STK24: variants seen among roughly 807,000 people sequenced by gnomAD.
The protein encoded by STK24 is serine/threonine-protein kinase 24.
In STK24, 21 loss-of-function variants were observed where a neutral mutation model predicts 55.6. That is an observed-to-expected ratio of 0.38 (90% confidence interval 0.27 to 0.54). STK24 has a LOEUF of 0.54. Among genes scored for constraint, STK24 ranks in the 20% least tolerant of loss-of-function variants. The pLI, the probability that STK24 is intolerant of heterozygous loss-of-function variation, is 0.79. For synonymous variants in STK24, 200 were observed against 215.2 expected, an observed-to-expected ratio of 0.93 and a Z score of 0.62; for missense variants, 383 against 538.4, an observed-to-expected ratio of 0.71 and a Z score of 2.86.
rs2281767 is a variant in STK24, at chr13:98,447,084, C to T, written c.*6089G>A. On this transcript the variant is annotated 3_prime_UTR_variant, in exon 11 of 11. Transcript: ENST00000539966. The stretch of plus-strand genomic sequence containing the variant: ...TTGGAGATCTCTGACATAACGTGTC[C>T]GGGATGATGAAGCTAAGCCCCAGTG... 195,287 of 423,602 alleles carry T rather than the reference C, an allele frequency of 0.46. 45,838 individuals carry two copies. Among genetic ancestry groups the T allele is most frequent in the Non-Finnish European group, 0.49 (112,970 of 230,864 alleles). 26.2% of individuals were successfully genotyped at this position (423,602 alleles called of 1,614,324 possible). A position where few individuals can be genotyped will look rare whatever the true frequency, so the allele number is the denominator to read the frequency against.
rs1893286413 is a variant in STK24, at chr13:98,453,265, A to G, written c.1260-56T>C. The G allele has an allele frequency of 1.9e-6, 3 of 1,565,374 alleles. No individual in the cohort carries two copies. In the East Asian group the frequency reaches 6.8e-5, roughly 35 times the overall value. On this transcript the variant is annotated intron_variant, in intron 10 of 10. Transcript: ENST00000539966. ...ACATGTCATTTCTCATCCCTGTGCA[A>G]AAATTCATATAGTAACCAAAATCTT...
chr13:98,501,700 TAA>T (rs1453922014), intron 2 of STK24, among the ~76,000 whole-genome samples: 1 of 151,940 alleles, frequency 6.6e-6, no homozygotes, highest in African/African-American at 2.4e-5. Flanking sequence ...TTAAAAACAA[TAA>T]AAAATTTTAC....
At chr13:98,561,581 A>AAAAG (rs978672544) in intron 1 of STK24, among the ~76,000 whole-genome samples, 9 of 151,924 alleles carry the variant, frequency 5.9e-5, no homozygotes, top group East Asian at 1.9e-4. Flanking sequence ...GACTGTCTCA[A>AAAAG]AAAGAAAGAA....
chr13:98,459,232 A>G (rs1566343772), intron 9 of STK24, among the ~76,000 whole-genome samples: 1 of 152,208 alleles, frequency 6.6e-6, no homozygotes, highest in Non-Finnish European at 1.5e-5. Context: ...CAACCCGGAC[A>G]TCCTAGTTAG....
At chr13:98,505,302 C>T (rs1482751333) in intron 2 of STK24, among the ~76,000 whole-genome samples, 1 of 152,246 alleles carries the variant, frequency 6.6e-6, no homozygotes, top group Non-Finnish European at 1.5e-5. Context: ...TTTAACGAAC[C>T]AATGTTTTCC....
At chr13:98,576,248 G>A (rs1413874802) in intron 1 of STK24, 6 of 983,092 alleles carry the variant, frequency 6.1e-6, no homozygotes, top group Non-Finnish European at 7.2e-6. Flanking sequence ...GCCCGGACGA[G>A]TCCAGGCGCG....
chr13:98,517,734 A>C (rs980736824), intron 2 of STK24, among the ~76,000 whole-genome samples: 2 of 152,220 alleles, frequency 1.3e-5, no homozygotes, highest in African/African-American at 4.8e-5. Context: ...TGGGTGCACC[A>C]CACAGCAACA....
In STK24 at chr13:98,448,121, C is replaced by A; in HGVS notation, c.*5052G>T. 1.2e-6 allele frequency: 1 copy of A among 840,614 alleles called. No homozygotes were observed. Among genetic ancestry groups the A allele is most frequent in the Non-Finnish European group, 2.0e-6 (1 of 495,448 alleles). 52.1% of individuals were successfully genotyped at this position (840,614 alleles called of 1,614,324 possible). ...TTCCCTTGCTCTTCTGCTGAAGTGG[C>A]AGATTACCAACCAGGCGGCCTGACT... On this transcript the variant is annotated 3_prime_UTR_variant, in exon 11 of 11. Coordinates refer to ENST00000539966, the MANE Select transcript of STK24 (RefSeq NM_001032296.4).
At chr13:98,477,435 G>A (rs1173585325) in intron 3 of STK24, among the ~76,000 whole-genome samples, 2 of 152,138 alleles carry the variant, frequency 1.3e-5, no homozygotes, top group Non-Finnish European at 2.9e-5. Flanking sequence ...ACTTTGGGAG[G>A]CCGAGGCGGG....
chr13:98,571,998 C>G (rs924445357), intron 1 of STK24, among the ~76,000 whole-genome samples: 10 of 152,226 alleles, frequency 6.6e-5, no homozygotes, highest in Non-Finnish European at 8.8e-5. Context: ...CGGCTGTCTA[C>G]AGATGCAAGG....
intron 1 of STK24, among the ~76,000 whole-genome samples, chr13:98,548,610 C>A (rs1407759505): frequency 6.6e-6 from 1 of 152,002 alleles, no homozygotes; most frequent in African/African-American, 2.4e-5. Context: ...ACCTGTAATC[C>A]CAGCACTGTG....
At chr13:98,455,562 T>G (rs1755165803) in intron 10 of STK24, 1 of 152,254 alleles carries the variant, frequency 6.6e-6, no homozygotes, top group Non-Finnish European at 1.5e-5. Flanking sequence ...ATTCTGTGTG[T>G]GGCCCACGCT....
At chr13:98,493,842 T>G (rs1413506830) in intron 2 of STK24, among the ~76,000 whole-genome samples, 1 of 150,374 alleles carries the variant, frequency 6.7e-6, no homozygotes, top group Non-Finnish European at 1.5e-5. Context: ...AAAAAAAATT[T>G]TTTTTTTTTT....
chr13:98,575,404 TATAC>T (rs1331983940), intron 1 of STK24, among the ~76,000 whole-genome samples: 29 of 146,838 alleles, frequency 2.0e-4, no homozygotes, highest in African/African-American at 6.2e-4. Context: ...ACTGCTTATA[TATAC>T]ACACACACAC....
At chr13:98,456,873 A>G (rs1231522676) in intron 10 of STK24, 4 of 496,126 alleles carry the variant, frequency 8.1e-6, no homozygotes, top group Non-Finnish European at 1.4e-5. Context: ...CCAATAATTA[A>G]GCTGCATAAT....
At chr13:98,520,634 G>T (rs1410362055) in intron 1 of STK24, among the ~76,000 whole-genome samples, 3 of 152,240 alleles carry the variant, frequency 2.0e-5, no homozygotes, top group Non-Finnish European at 4.4e-5. Flanking sequence ...CAACACTGCA[G>T]CAACGGCGGT....
intron 5 of STK24, among the ~76,000 whole-genome samples, chr13:98,474,611 C>G (rs1352994632): frequency 1.3e-5 from 2 of 152,194 alleles, no homozygotes; most frequent in African/African-American, 4.8e-5. Flanking sequence ...AAACCTCGAT[C>G]ATGGTGGGCT....
At chr13:98,571,244 T>G (rs543656825) in intron 1 of STK24, among the ~76,000 whole-genome samples, 1 of 152,024 alleles carries the variant, frequency 6.6e-6, no homozygotes, top group African/African-American at 2.4e-5. Context: ...TGCACCAGGG[T>G]CCTGGAAAAA....
In STK24 at chr13:98,576,803, A is replaced by G. The variant is rs1161445922; in HGVS notation, c.-17T>C. 1.5e-6 allele frequency: 2 copies of G among 1,349,432 alleles called. No homozygotes were observed. Among genetic ancestry groups the G allele is most frequent in the Admixed American group, 6.1e-5 (2 of 33,026 alleles). The allele number at this position is 1,349,432 out of a possible 1,614,324, so 83.6% of individuals were successfully genotyped here. ...GTGAGCCATGGCGCTCAGGACGGCC[A>G]CTTCCTGGGACGGGACGGCCGGGCC... On this transcript the variant is annotated 5_prime_UTR_variant, in exon 1 of 11. Coordinates refer to ENST00000539966, the MANE Select transcript of STK24 (RefSeq NM_001032296.4).
Sources: gnomAD v4.1 joint callset for allele counts (sites outside exome capture counted in the v4.1 genomes callset) on GRCh38, gnomAD v4.1.1 for gene constraint, MANE v1.5 for transcripts, NCBI Gene and HGNC (gene_info 2026-07-23, HGNC 2026-07-21) for gene names.